The following DRC1 variants were observed in gnomAD, a reference collection of about 807,000 sequenced individuals.
DRC1 encodes dynein regulatory complex protein 1.
DRC1 carries 74 observed loss-of-function variants against 98.7 expected under a neutral mutation model. That is an observed-to-expected ratio of 0.75 (90% CI 0.62 to 0.91). The LOEUF (loss-of-function observed/expected upper bound fraction) is 0.91, where lower values mean the gene tolerates loss of function less well. Ranked by LOEUF, DRC1 falls within the 40% of genes least tolerant of loss-of-function variation. The pLI, the probability that DRC1 is intolerant of heterozygous loss-of-function variation, is 0.00. For missense variants in DRC1, 875 were observed against 886.0 expected (o/e 0.99, Z 0.16); for synonymous variants, 336 against 334.1 (o/e 1.01, Z -0.06).
rs929116882 is a variant in DRC1, at chr2:26,430,727, A to G, written c.679-59A>G. 59 of 1,568,354 alleles carry G rather than the reference A, an allele frequency of 3.8e-5. No individual in the cohort carries two copies. The African/African-American group carries it at 5.3e-4, about 14-fold the overall frequency. ...TATAGTTACCTGAAAGTTCTTTGAC[A>G]CTGGTGGGACCTGCCCAATCAAAAC... On this transcript the variant is annotated intron_variant, in intron 5 of 16. Transcript: ENST00000288710.
In DRC1 at chr2:26,454,677, G is replaced by C. The variant is rs1245730608; in HGVS notation, c.1950G>C (p.Lys650Asn). The C allele has an allele frequency of 1.2e-6, 2 of 1,614,030 alleles. No homozygotes were observed. The highest frequency in any genetic ancestry group is 4.5e-5 in the East Asian group (2 of 44,878). ...CGCGGGCCCCGCTGAGGGTACAGAA[G>C]AATGTGCGTGACAACTCCAAGGACT... The part of the protein sequence containing the change: ...RDSRAPLRVQ[K>N]NVRDNSKDSE... Residue 650 changes from lysine (K) to asparagine (N), a missense_variant, in exon 15 of 17, where the codon AAG becomes AAC. By Grantham distance (94) the Lys-to-Asn change is moderately conservative. Coordinates refer to ENST00000288710, the MANE Select transcript of DRC1 (RefSeq NM_145038.5). The surrounding 1 kb of genome is among the most constrained non-coding windows in gnomAD (Gnocchi z 5.2).
chr2:26,440,313 G>A, intron 7 of DRC1, 65 bp from the exon 8 acceptor site: 1 of 1,344,754 alleles, frequency 7.4e-7, no homozygotes, highest in Non-Finnish European at 9.7e-7. Flanking sequence ...TGTAGAGTTA[G>A]TGTGTTTGTG....
chr2:26,448,281 A>G (rs1225139619), intron 10 of DRC1: 1 of 456,320 alleles, frequency 2.2e-6, no homozygotes, highest in African/African-American at 2.0e-5. Flanking sequence ...CCCTGCTTTG[A>G]GTTGGCTGCT....
In DRC1 at chr2:26,450,637, T is replaced by A. The variant is rs1314124310; in HGVS notation, c.1645T>A (p.Phe549Ile). The A allele has an allele frequency of 6.2e-7, 1 of 1,611,178 alleles. No individual in the cohort carries two copies. The highest frequency in any genetic ancestry group is 1.3e-5 in the African/African-American group (1 of 74,410). The change falls in exon 13 of 17, where the codon TTC (phenylalanine) becomes ATC (isoleucine). Residue 549 changes from phenylalanine to isoleucine, a missense_variant. Transcript: ENST00000288710. ...SEDDLYKLVN[F>I]FLKYRAHRLS... ...GGATGACTTGTATAAACTGGTGAAC[T>A]TCTTCCTTAAATATCGAGCTCACCG...
At chr2:26,421,440 T>C (rs1303422437) in intron 3 of DRC1, 40 bp downstream of exon 3, 2 of 1,567,948 alleles carry the variant, frequency 1.3e-6, no homozygotes, top group African/African-American at 2.7e-5. Flanking sequence ...GACATGAAGG[T>C]AATCTCCATG....
chr2:26,454,516 A>T lies in DRC1; in HGVS notation c.1920-131A>T, dbSNP rs1188030538. 7.5e-7 allele frequency: 1 copy of T among 1,332,192 alleles called. No individual in the cohort carries two copies. 82.5% of individuals were successfully genotyped at this position (1,332,192 alleles called of 1,614,324 possible). A position where few individuals can be genotyped will look rare whatever the true frequency, so the allele number is the denominator to read the frequency against. On this transcript the variant is annotated intron_variant, in intron 14 of 16. Transcript: ENST00000288710. This position sits in a 1 kb window ranked among gnomAD's most constrained non-coding sequence, Gnocchi z 5.2. The stretch of plus-strand genomic sequence containing the variant: ...CATGCGTCCTTTCTGAGAACCTGCC[A>T]CCGTCTAATAAACTTGGACTGCTGA...
chr2:26,445,054 T>A, intron 10 of DRC1, 106 bp downstream of exon 10: 1 of 1,183,160 alleles, frequency 8.5e-7, no homozygotes, highest in Non-Finnish European at 1.2e-6. Flanking sequence ...GGGAAGAGTA[T>A]GATTATTGGT....
chr2:26,411,043 A>G (rs1226501064), intron 1 of DRC1, among the ~76,000 whole-genome samples: 1 of 152,192 alleles, frequency 6.6e-6, no homozygotes, highest in East Asian at 1.9e-4. Context: ...TTGGTCAGGA[A>G]GTAGAGTATT....
rs532564622 is a variant in DRC1, at chr2:26,442,812, A to G, written c.1029-1410A>G. Among the ~76,000 whole-genome samples the G allele has an allele frequency of 2.0e-5, 3 of 152,166 alleles. No homozygotes were observed. In the South Asian group the frequency reaches 6.2e-4, roughly 32 times the overall value. ...GCATCTCTAGCTTCCAGGCACTAAG[A>G]ACTCTGGACTTTTTTTGTTGAGCTT... is the stretch of plus-strand genomic sequence containing the variant. On this transcript the variant is annotated intron_variant, in intron 8 of 16. Transcript: ENST00000288710.
chr2:26,450,959 A>C (rs1663991970), intron 13 of DRC1, among the ~76,000 whole-genome samples: 1 of 141,988 alleles, frequency 7.0e-6, no homozygotes, highest in South Asian at 2.2e-4. Context: ...ACTCCCATTT[A>C]TGAGTGAGAA....
At position 26,453,338 on chromosome 2, in the gene DRC1, G is replaced by A; in HGVS notation, c.1708G>A (p.Ala570Thr). The change falls in exon 14 of 17, where the codon GCG becomes ACG. Residue 570 changes from alanine (A) to threonine (T), a missense_variant. Physicochemically the swap from Ala to Thr is moderately conservative, Grantham distance 58. Transcript: ENST00000288710. ...SSLQIKPCSQASMEKASMEET... is the reference protein window; with the variant it reads ...SSLQIKPCSQTSMEKASMEET... The stretch of plus-strand genomic sequence containing the variant: ...TCTCCAGATCAAGCCCTGCAGTCAG[G>A]CGAGCATGGAGAAGGCGAGCATGGA... 1 of 1,613,210 alleles carries A rather than the reference G, an allele frequency of 6.2e-7. No individual in the cohort carries two copies. Among genetic ancestry groups the A allele is most frequent in the Non-Finnish European group, 8.5e-7 (1 of 1,180,030 alleles).
intron 4 of DRC1, among the ~76,000 whole-genome samples, chr2:26,427,865 A>G (rs959070588): frequency 6.6e-6 from 1 of 152,190 alleles, no homozygotes; most frequent in Non-Finnish European, 1.5e-5. Flanking sequence ...ATTTAACGTA[A>G]TGCCTTTCAA....
At chr2:26,406,430 C>T (rs1468473933) in intron 1 of DRC1, among the ~76,000 whole-genome samples, 5 of 152,048 alleles carry the variant, frequency 3.3e-5, no homozygotes, top group Admixed American at 1.3e-4. Flanking sequence ...AGAGTACAGC[C>T]GGGCGTGGTG....
At chr2:26,440,136 A>G (rs1663678529) in intron 7 of DRC1, among the ~76,000 whole-genome samples, 1 of 151,222 alleles carries the variant, frequency 6.6e-6, no homozygotes, top group Non-Finnish European at 1.5e-5. Context: ...CTTTATGAAT[A>G]TAGGTACAAA....
intron 16 of DRC1, 56 bp downstream of exon 16, chr2:26,455,289 C>T (rs576833073): frequency 4.4e-5 from 68 of 1,541,372 alleles, no homozygotes; most frequent in African/African-American, 4.0e-4. Context: ...GGGGCAGGGG[C>T]ACTGGAGCTG....
intron 7 of DRC1, among the ~76,000 whole-genome samples, chr2:26,432,905 T>C (rs931671599): frequency 2.0e-5 from 3 of 152,266 alleles, no homozygotes; most frequent in Non-Finnish European, 4.4e-5. Context: ...AATCCAATTC[T>C]GTCTGGCTCA....
chr2:26,442,012 C>G (rs1663730719), intron 8 of DRC1, among the ~76,000 whole-genome samples: 1 of 152,180 alleles, frequency 6.6e-6, no homozygotes, highest in African/African-American at 2.4e-5. Context: ...GTTTATTTCT[C>G]ACAGTTCTGG....
At chr2:26,402,170 G>A in intron 1 of DRC1, 26 bp downstream of exon 1, 1 of 1,556,556 alleles carries the variant, frequency 6.4e-7, no homozygotes. Context: ...GGCGGGGCGG[G>A]ATCCGCGCCG....
At chr2:26,405,810 G>GCCA (rs1050902550) in intron 1 of DRC1, among the ~76,000 whole-genome samples, 3 of 151,924 alleles carry the variant, frequency 2.0e-5, no homozygotes, top group Non-Finnish European at 4.4e-5. Context: ...ACAGGCAGCT[G>GCCA]CCACCACACC....
Sources: allele counts gnomAD v4.1 joint callset (sites outside exome capture counted in the v4.1 genomes callset), GRCh38; gene constraint gnomAD v4.1.1; non-coding constraint Gnocchi (gnomAD v3.1); transcripts MANE v1.5; gene names NCBI Gene and HGNC (gene_info 2026-07-23, HGNC 2026-07-21).